RASGEF1A: variants seen among roughly 807,000 people sequenced by gnomAD.
RASGEF1A encodes the protein ras-GEF domain-containing family member 1A.
RASGEF1A carries 18 observed loss-of-function variants against 56.4 expected under a neutral mutation model. That is an observed-to-expected ratio of 0.32 (90% CI 0.22 to 0.47). The LOEUF (loss-of-function observed/expected upper bound fraction) is 0.47, where lower values mean the gene tolerates loss of function less well. RASGEF1A is among the 20% of genes least tolerant of loss of function. The pLI, the probability that RASGEF1A is intolerant of heterozygous loss-of-function variation, is 1.00. For missense variants in RASGEF1A, 422 were observed against 627.1 expected (o/e 0.67, Z 3.49); for synonymous variants, 245 against 242.6 (o/e 1.01, Z -0.09).
intron 1 of RASGEF1A, among the ~76,000 whole-genome samples, chr10:43,212,895 G>A (rs1840087983): frequency 2.0e-5 from 3 of 152,148 alleles, no homozygotes; most frequent in Non-Finnish European, 2.9e-5. Context: ...GTGCACACAT[G>A]CACACACAGG....
chr10:43,220,237 C>T (rs115132047), intron 1 of RASGEF1A, among the ~76,000 whole-genome samples: 1,919 of 152,320 alleles, frequency 0.013, 43 homozygotes, highest in African/African-American at 0.044. Flanking sequence ...CAATGGCTCA[C>T]ACCTGTAATC....
rs983900642 is a variant in RASGEF1A, at chr10:43,266,978, C to G, written c.-140G>C. On this transcript the variant is annotated 5_prime_UTR_variant, in exon 1 of 13. Coordinates refer to ENST00000395810, the MANE Select transcript of RASGEF1A (RefSeq NM_145313.4). ...GCACCCGCCCACCCGCGGCCGCCCC[C>G]GCGCTGCGCCAGCTGCGGGCAGAGC... 6.8e-6 allele frequency: 1 copy of G among 146,822 alleles called. No homozygotes were observed. Among genetic ancestry groups the G allele is most frequent in the Non-Finnish European group, 1.5e-5 (1 of 66,038 alleles). 9.1% of individuals were successfully genotyped at this position (146,822 alleles called of 1,614,324 possible).
intron 1 of RASGEF1A, among the ~76,000 whole-genome samples, chr10:43,209,700 G>A (rs1840040840): frequency 6.6e-6 from 1 of 152,164 alleles, no homozygotes; most frequent in South Asian, 2.1e-4. Context: ...ACCAGGGCTA[G>A]GCAGAGATAG....
chr10:43,202,992 A>G (rs566822165), intron 3 of RASGEF1A, among the ~76,000 whole-genome samples: 10 of 103,140 alleles, frequency 9.7e-5, no homozygotes, highest in Admixed American at 8.8e-4. Context: ...CCCCAACCCT[A>G]GCCATGACCC....
intron 1 of RASGEF1A, among the ~76,000 whole-genome samples, chr10:43,230,466 C>T (rs1840351360): frequency 6.6e-6 from 1 of 152,210 alleles, no homozygotes; most frequent in Non-Finnish European, 1.5e-5. Context: ...CCCACTCCCT[C>T]AGATGATGCG....
chr10:43,258,434 C>T (rs1320384476), intron 1 of RASGEF1A, among the ~76,000 whole-genome samples: 1 of 152,224 alleles, frequency 6.6e-6, no homozygotes, highest in Non-Finnish European at 1.5e-5. Context: ...TGCCACCTGC[C>T]CTCCTCTTTC....
intron 1 of RASGEF1A, among the ~76,000 whole-genome samples, chr10:43,257,943 C>T (rs145338643): frequency 0.011 from 1,738 of 152,278 alleles, 14 homozygotes; most frequent in Non-Finnish European, 0.018. Flanking sequence ...ACAGACAGGG[C>T]GAGGCAGGGG....
intron 1 of RASGEF1A, among the ~76,000 whole-genome samples, chr10:43,263,011 G>A (rs1487020264): frequency 6.6e-6 from 1 of 152,198 alleles, no homozygotes; most frequent in Non-Finnish European, 1.5e-5. Flanking sequence ...GGAACCTGGG[G>A]CAGGCAAGGT....
At chr10:43,248,052 AT>A (rs1285278849) in intron 1 of RASGEF1A, among the ~76,000 whole-genome samples, 1 of 69,582 alleles carries the variant, frequency 1.4e-5, no homozygotes, top group Non-Finnish European at 2.9e-5. Flanking sequence ...AAAAAATAAG[AT>A]TAAAAAAAAA....
chr10:43,235,121 G>A (rs566606377), intron 1 of RASGEF1A, among the ~76,000 whole-genome samples: 1 of 152,318 alleles, frequency 6.6e-6, no homozygotes, highest in African/African-American at 2.4e-5. Context: ...CTCCCTTTTG[G>A]AGAATAATAT....
chr10:43,229,560 C>G (rs1179672391), intron 1 of RASGEF1A: 3 of 1,265,816 alleles, frequency 2.4e-6, no homozygotes, highest in Non-Finnish European at 3.2e-6. Context: ...ATGCAGGGGA[C>G]CGTCGCACCC....
At chr10:43,259,163 C>A (rs1836482224) in intron 1 of RASGEF1A, among the ~76,000 whole-genome samples, 1 of 152,230 alleles carries the variant, frequency 6.6e-6, no homozygotes, top group African/African-American at 2.4e-5. Flanking sequence ...CAGACACTCA[C>A]AGTGACCCCA....
intron 1 of RASGEF1A, among the ~76,000 whole-genome samples, chr10:43,226,726 AT>A (rs1022590926): frequency 2.0e-5 from 3 of 152,102 alleles, no homozygotes; most frequent in African/African-American, 7.2e-5. Context: ...CTGGACCTCA[AT>A]TTCCCCAGAT....
chr10:43,247,815 A>T (rs1588949891), intron 1 of RASGEF1A, among the ~76,000 whole-genome samples: 1 of 152,262 alleles, frequency 6.6e-6, no homozygotes, highest in East Asian at 1.9e-4. Flanking sequence ...TAATCCCAGC[A>T]CTTTGGGAGG....
intron 1 of RASGEF1A, chr10:43,229,512 CG>C: frequency 1.4e-6 from 1 of 711,196 alleles, no homozygotes; most frequent in Middle Eastern, 4.0e-4. Flanking sequence ...GGGCGGCGCG[CG>C]GGTCCTCAGG....
chr10:43,220,908 C>A, intron 1 of RASGEF1A, among the ~76,000 whole-genome samples: 1 of 152,118 alleles, frequency 6.6e-6, no homozygotes, highest in Non-Finnish European at 1.5e-5. Flanking sequence ...TCTGCTGTGG[C>A]CAGGCATCCC....
At chr10:43,205,851 C>T in intron 2 of RASGEF1A, 68 bp downstream of exon 2, 3 of 1,355,620 alleles carry the variant, frequency 2.2e-6, no homozygotes, top group Non-Finnish European at 3.1e-6. Flanking sequence ...GCCTCCCTCC[C>T]ACACCCGACA....
intron 1 of RASGEF1A, among the ~76,000 whole-genome samples, chr10:43,251,857 A>G (rs1840630949): frequency 6.6e-6 from 1 of 152,184 alleles, no homozygotes; most frequent in Non-Finnish European, 1.5e-5. Flanking sequence ...TGACCCTCAC[A>G]AGTACCAGTT....
chr10:43,264,013 C>A (rs1046922744), intron 1 of RASGEF1A, among the ~76,000 whole-genome samples: 2 of 152,226 alleles, frequency 1.3e-5, no homozygotes, highest in African/African-American at 4.8e-5. Flanking sequence ...CCTCTACCAG[C>A]CTGTCCCAGG....
Sources: gnomAD v4.1 joint callset for allele counts (sites outside exome capture counted in the v4.1 genomes callset) on GRCh38, gnomAD v4.1.1 for gene constraint, MANE v1.5 for transcripts, NCBI Gene and HGNC (gene_info 2026-07-23, HGNC 2026-07-21) for gene names.